The following VPS13A variants were observed in gnomAD, a reference collection of about 807,000 sequenced individuals.
VPS13A encodes the protein vacuolar protein sorting 13 homolog A, also known as intermembrane lipid transfer protein VPS13A.
A neutral mutation model predicts 390.9 loss-of-function variants in VPS13A; 264 were observed. That is an observed-to-expected ratio of 0.68 (90% CI 0.61 to 0.75). VPS13A has a LOEUF of 0.75. VPS13A is among the 30% of genes least tolerant of loss of function. The pLI is 0.00. For missense variants in VPS13A, 3,409 were observed against 3,733.9 expected (o/e 0.91, Z 2.27); for synonymous variants, 1,231 against 1,227.1 (o/e 1.00, Z -0.07).
chr9:77,405,452 TG>T (rs1343980311), intron 69 of VPS13A, among the ~76,000 whole-genome samples: 1 of 152,250 alleles, frequency 6.6e-6, no homozygotes, highest in Non-Finnish European at 1.5e-5. Flanking sequence ...TATTTGATTT[TG>T]TAAGAAGTGC....
chr9:77,256,659 T>C (rs1825463481), intron 22 of VPS13A, among the ~76,000 whole-genome samples: 1 of 152,178 alleles, frequency 6.6e-6, no homozygotes, highest in South Asian at 2.1e-4. Context: ...TTTATATATT[T>C]TTGAACTCTG....
chr9:77,331,741 T>G (rs927736457), intron 45 of VPS13A, among the ~76,000 whole-genome samples: 4 of 151,998 alleles, frequency 2.6e-5, no homozygotes, highest in Admixed American at 2.0e-4. Context: ...AACAAATTAG[T>G]CCCTATCCTA....
chr9:77,407,755 T>A, intron 71 of VPS13A, 148 bp downstream of exon 71: 1 of 672,408 alleles, frequency 1.5e-6, no homozygotes, highest in Non-Finnish European at 2.6e-6. Context: ...AAAGTATATG[T>A]AACCAGATAA....
intron 2 of VPS13A, among the ~76,000 whole-genome samples, 183 bp downstream of exon 2, chr9:77,200,171 A>AT (rs904802416): frequency 5.5e-4 from 84 of 152,072 alleles, no homozygotes; most frequent in Admixed American, 2.5e-3. Context: ...GGACAGTGTG[A>AT]TTTTTTTTCT....
chr9:77,221,428 C>A, intron 13 of VPS13A, 72 bp downstream of exon 13: 2 of 1,509,218 alleles, frequency 1.3e-6, no homozygotes, highest in Non-Finnish European at 1.8e-6. Context: ...GTGACTGATA[C>A]TCCCTACCTT....
chr9:77,227,077 A>G (rs924764370), intron 15 of VPS13A, among the ~76,000 whole-genome samples: 2 of 152,208 alleles, frequency 1.3e-5, no homozygotes, highest in Non-Finnish European at 2.9e-5. Flanking sequence ...GGAAATTACA[A>G]TGTTAATACT....
At chr9:77,297,296 G>A (rs558568988) in intron 33 of VPS13A, among the ~76,000 whole-genome samples, 4 of 152,014 alleles carry the variant, frequency 2.6e-5, no homozygotes, top group African/African-American at 7.2e-5. Context: ...TACTCTATAA[G>A]TCTGTGTAGC....
intron 23 of VPS13A, among the ~76,000 whole-genome samples, chr9:77,272,729 G>A (rs567208939): frequency 5.3e-5 from 8 of 152,208 alleles, no homozygotes; most frequent in Non-Finnish European, 7.4e-5. Flanking sequence ...AATGAGATCC[G>A]GGAGGAACAC....
chr9:77,349,113 G>GA (rs1317707138), intron 52 of VPS13A, among the ~76,000 whole-genome samples: 1 of 151,898 alleles, frequency 6.6e-6, no homozygotes, highest in Admixed American at 6.6e-5. Context: ...AAATACTACA[G>GA]AAAAAATGTG....
rs1835161848 is a variant in VPS13A, at chr9:77,416,139, C to CAA, written c.*135_*136dup. ...TATTCTGGATGCTAAAAAACAAAAA[C>CAA]AAACAAAAAAACAAAAACAAAAAAA... On this transcript the variant is annotated 3_prime_UTR_variant, in exon 72 of 72. Transcript: ENST00000360280. 9.0e-7 allele frequency: 1 copy of CAA among 1,111,138 alleles called. No individual in the cohort carries two copies. Among genetic ancestry groups the CAA allele is most frequent in the African/African-American group, 1.6e-5 (1 of 63,078 alleles). 68.8% of individuals were successfully genotyped at this position (1,111,138 alleles called of 1,614,324 possible).
At chr9:77,258,047 A>G (rs780156707) in intron 22 of VPS13A, among the ~76,000 whole-genome samples, 2 of 152,212 alleles carry the variant, frequency 1.3e-5, no homozygotes, top group Non-Finnish European at 2.9e-5. Flanking sequence ...AGCTGAAGCT[A>G]TGTGCCTGAG....
At chr9:77,313,733 G>C (rs919019369) in intron 35 of VPS13A, among the ~76,000 whole-genome samples, 1 of 151,986 alleles carries the variant, frequency 6.6e-6, no homozygotes, top group Non-Finnish European at 1.5e-5. Context: ...TTTTTCCTTG[G>C]AACAGAACAG....
chr9:77,180,310 T>G (rs1341202109), intron 1 of VPS13A, among the ~76,000 whole-genome samples: 2 of 152,366 alleles, frequency 1.3e-5, no homozygotes, highest in Admixed American at 6.5e-5. Context: ...TCCAGAGTGT[T>G]TGTTTTCTTA....
intron 68 of VPS13A, 148 bp downstream of exon 68, chr9:77,382,235 A>G: frequency 7.0e-7 from 1 of 1,425,160 alleles, no homozygotes; most frequent in Non-Finnish European, 9.3e-7. Context: ...CTTAGATTTT[A>G]AAGTACATTT....
At chr9:77,404,073 C>CTAT (rs1392813390) in intron 69 of VPS13A, among the ~76,000 whole-genome samples, 4 of 152,026 alleles carry the variant, frequency 2.6e-5, no homozygotes, top group African/African-American at 9.7e-5. Flanking sequence ...ATGTATAGCC[C>CTAT]TATTTTAATT....
At position 77,207,213 on chromosome 9, in the gene VPS13A, T is replaced by TTTTATATATATA. The variant is rs1554859893; in HGVS notation, c.385+1135_385+1136insTTATATATATAT. Among the ~76,000 whole-genome samples, 80 of 43,116 alleles carry TTTTATATATATA rather than the reference T, an allele frequency of 1.9e-3. 1 individual carries two copies. Among genetic ancestry groups the TTTTATATATATA allele is most frequent in the African/African-American group, 4.2e-3 (71 of 16,890 alleles). The allele number at this position is 43,116 out of a possible 152,430, so 28.3% of individuals were successfully genotyped here. Reference sequence around the variant, plus strand: ...CTCTGTGTCTTGATTTATTTAGATATTATATATATATATATATATATATAT... The same window carrying TTTTATATATATA: ...CTCTGTGTCTTGATTTATTTAGATATTTTATATATATATATATATATATATATATATATATAT... On this transcript the variant is annotated intron_variant, in intron 5 of 71. Transcript: ENST00000360280.
rs139882278 is a variant in VPS13A, at chr9:77,316,289, A to G, written c.4746A>G (p.Gln1582=). Residue 1582 remains glutamine, a synonymous_variant, in exon 39 of 72, where the codon CAA becomes CAG. Coordinates refer to ENST00000360280, the MANE Select transcript of VPS13A (RefSeq NM_033305.3). ...NDAPALVITT[Q]CEICYKGNLE... ...CTCCTGCTTTAGTCATTACAACACA[A>G]TGTGAAATTTGCTATAAAGGTAACC... 20 of 1,613,224 alleles carry G rather than the reference A, an allele frequency of 1.2e-5. No homozygotes were observed. Among genetic ancestry groups the G allele is most frequent in the African/African-American group, 5.3e-5 (4 of 74,890 alleles).
chr9:77,185,344 G>A (rs914570850), intron 1 of VPS13A, among the ~76,000 whole-genome samples: 1 of 152,172 alleles, frequency 6.6e-6, no homozygotes, highest in Non-Finnish European at 1.5e-5. Flanking sequence ...GTTTCACCAT[G>A]TTGACCAGGA....
At chr9:77,291,204 G>T (rs1370400201) in intron 31 of VPS13A, among the ~76,000 whole-genome samples, 1 of 152,132 alleles carries the variant, frequency 6.6e-6, no homozygotes, top group African/African-American at 2.4e-5. Flanking sequence ...ATTGTGAACT[G>T]TGCATACGCA....
Sources: gnomAD v4.1 joint callset for allele counts (sites outside exome capture counted in the v4.1 genomes callset) on GRCh38, gnomAD v4.1.1 for gene constraint, MANE v1.5 for transcripts, NCBI Gene and HGNC (gene_info 2026-07-23, HGNC 2026-07-21) for gene names.